The following ATXN8OS variants were observed in gnomAD, a reference collection of about 807,000 sequenced individuals.
ATXN8OS encodes the protein ATXN8 opposite strand lncRNA, also known as ATXN8 opposite strand (non-protein coding).
intron 2 of ATXN8OS, among the ~76,000 whole-genome samples, chr13:70,129,034 G>T (rs9564654): frequency 6.6e-6 from 1 of 151,764 alleles, no homozygotes; most frequent in Non-Finnish European, 1.5e-5. Flanking sequence ...CTAATTTTTT[G>T]TATTTAGTAG....
intron 3 of ATXN8OS, chr13:70,139,531 T>C: frequency 2.0e-6 from 1 of 502,422 alleles, no homozygotes; most frequent in South Asian, 3.9e-5. Context: ...TAAGAATTTA[T>C]GAATAAAGAA....
At position 70,147,657 on chromosome 13, in the gene ATXN8OS, A is replaced by G. The variant is rs372778068; in HGVS notation, n.573+229A>G. Among the ~76,000 whole-genome samples, 6 of 152,210 alleles carry G rather than the reference A, an allele frequency of 3.9e-5. No homozygotes were observed. The East Asian group carries it at 7.7e-4, about 20-fold the overall frequency. On this transcript the variant is annotated intron_variant and non_coding_transcript_variant, in intron 4 of 4. Transcript: ENST00000678624. ...GTCATTAATCCAGATTTTAAATATC[A>G]GAATGTATTATATAACATTTCAGTA... is the stretch of plus-strand genomic sequence containing the variant.
At chr13:70,130,176 A>G (rs1457179425) in intron 3 of ATXN8OS, among the ~76,000 whole-genome samples, 6 of 152,150 alleles carry the variant, frequency 3.9e-5, no homozygotes, top group Non-Finnish European at 8.8e-5. Flanking sequence ...TAATTACACC[A>G]CATATGTTGC....
At position 70,146,069 on chromosome 13, in the gene ATXN8OS, A is replaced by C. The variant is rs1294765654; in HGVS notation, n.500-1286A>C. ...ATGAACTCAAACAAATTTACAAGAA[A>C]AAAAAAAAACAACCCCATCAAAAAG... is the stretch of plus-strand genomic sequence containing the variant. On this transcript the variant is annotated intron_variant and non_coding_transcript_variant, in intron 3 of 4. Coordinates refer to ENST00000678624, the Ensembl canonical transcript of ATXN8OS. Among the ~76,000 whole-genome samples, 2 of 15,960 alleles carry C rather than the reference A, an allele frequency of 1.3e-4. 1 individual carries two copies. The highest frequency in any genetic ancestry group is 3.2e-3 in the East Asian group (2 of 626). 10.5% of individuals were successfully genotyped at this position (15,960 alleles called of 152,430 possible).
chr13:70,157,210 A>C (rs1375198021), intron 4 of ATXN8OS, among the ~76,000 whole-genome samples: 1 of 152,170 alleles, frequency 6.6e-6, no homozygotes, highest in Admixed American at 6.5e-5. Flanking sequence ...ATGAATGAGG[A>C]TAAAAAACAA....
chr13:70,144,793 C>G (rs1253134733), intron 3 of ATXN8OS, among the ~76,000 whole-genome samples: 1 of 152,076 alleles, frequency 6.6e-6, no homozygotes, highest in Non-Finnish European at 1.5e-5. Flanking sequence ...TGACCCACTC[C>G]TATGTTTTCT....
At chr13:70,116,438 C>T (rs1888279755) in intron 2 of ATXN8OS, among the ~76,000 whole-genome samples, 1 of 151,994 alleles carries the variant, frequency 6.6e-6, no homozygotes, top group African/African-American at 2.4e-5. Flanking sequence ...GCGACAGTGC[C>T]ATAGCAGAAG....
rs142645260 is a variant in ATXN8OS, at chr13:70,115,167, A to T, written n.267A>T. 264 of 398,504 alleles carry T rather than the reference A, an allele frequency of 6.6e-4. 1 individual carries two copies. Among genetic ancestry groups the T allele is most frequent in the African/African-American group, 5.2e-3 (254 of 48,734 alleles). The allele number at this position is 398,504 out of a possible 1,614,324, so 24.7% of individuals were successfully genotyped here. ...TCTGGAGGCTGGGAAGTTCAAGACC[A>T]ATGCACGAGAATTTGGTCTAAAGAG... On this transcript the variant is annotated non_coding_transcript_exon_variant, in exon 2 of 5. Transcript: ENST00000678624.
At chr13:70,107,434 AAGGAAGAGG>A, upstream of ATXN8OS, 2 of 1,611,310 alleles carry the variant, frequency 1.2e-6, no homozygotes, top group Non-Finnish European at 1.7e-6. Context: ...CAGCGGATTG[AAGGAAGAGG>A]AGGAAGAGGA....
At chr13:70,136,437 T>G (rs1486514103) in intron 3 of ATXN8OS, among the ~76,000 whole-genome samples, 1 of 151,702 alleles carries the variant, frequency 6.6e-6, no homozygotes, top group East Asian at 1.9e-4. Context: ...CTTTTTTGCC[T>G]TTTATATTAA....
chr13:70,134,148 G>A (rs1470349702), intron 3 of ATXN8OS, among the ~76,000 whole-genome samples: 1 of 152,038 alleles, frequency 6.6e-6, no homozygotes, highest in Non-Finnish European at 1.5e-5. Flanking sequence ...TTACATATTT[G>A]AATGGACCAA....
intron 4 of ATXN8OS, among the ~76,000 whole-genome samples, chr13:70,154,562 T>C (rs1013565211): frequency 6.6e-6 from 1 of 152,100 alleles, no homozygotes; most frequent in Non-Finnish European, 1.5e-5. Flanking sequence ...AAAGATAAAA[T>C]TTAAAAGAAA....
intron 3 of ATXN8OS, among the ~76,000 whole-genome samples, chr13:70,132,944 A>C (rs895414426): frequency 2.0e-5 from 3 of 152,140 alleles, no homozygotes; most frequent in Non-Finnish European, 4.4e-5. Flanking sequence ...AGTGGATTGC[A>C]TTGTCATGGA....
intron 3 of ATXN8OS, among the ~76,000 whole-genome samples, chr13:70,133,904 A>G (rs142139533): frequency 8.7e-4 from 133 of 152,330 alleles, no homozygotes; most frequent in African/African-American, 2.9e-3. Context: ...GCAGTCCTCT[A>G]AGATGAGAAC....
At chr13:70,121,762 T>A (rs933121134) in intron 2 of ATXN8OS, among the ~76,000 whole-genome samples, 12 of 152,044 alleles carry the variant, frequency 7.9e-5, no homozygotes, top group African/African-American at 2.9e-4. Context: ...TGATGACTTT[T>A]AAAAGGAAAA....
In ATXN8OS at chr13:70,158,186, G is replaced by A. The variant is rs1377485145; in HGVS notation, n.573+10758G>A. ...TGTAATCCTAGCACTTTGGGAGGCC[G>A]AGGCAGGCAGATCACGAGGTCAGGA... On this transcript the variant is annotated intron_variant and non_coding_transcript_variant, in intron 4 of 4. Transcript: ENST00000678624. Among the ~76,000 whole-genome samples the A allele has an allele frequency of 4.6e-5, 7 of 152,252 alleles. No homozygotes were observed. In the East Asian group the frequency reaches 5.8e-4, roughly 13 times the overall value.
intron 3 of ATXN8OS, among the ~76,000 whole-genome samples, chr13:70,146,565 C>G (rs900678744): frequency 1.2e-4 from 19 of 152,054 alleles, no homozygotes; most frequent in African/African-American, 4.6e-4. Flanking sequence ...ACATATACAC[C>G]AGGGAATACT....
intron 2 of ATXN8OS, among the ~76,000 whole-genome samples, chr13:70,115,894 TACTC>T (rs1415358888): frequency 2.0e-5 from 3 of 152,084 alleles, no homozygotes; most frequent in Non-Finnish European, 4.4e-5. Flanking sequence ...TACTATAAAA[TACTC>T]AAGAAAAATT....
chr13:70,135,108 A>T (rs1282067985), intron 3 of ATXN8OS, among the ~76,000 whole-genome samples: 1 of 152,120 alleles, frequency 6.6e-6, no homozygotes, highest in Admixed American at 6.6e-5. Flanking sequence ...AAGTCCACCC[A>T]ATCCACTTTT....
Sources: gnomAD v4.1 joint callset for allele counts (sites outside exome capture counted in the v4.1 genomes callset) on GRCh38, gnomAD v4.1.1 for gene constraint, MANE v1.5 for transcripts, NCBI Gene and HGNC (gene_info 2026-07-23, HGNC 2026-07-21) for gene names.